ALS2: variants seen among roughly 807,000 people sequenced by gnomAD.
ALS2 encodes alsin.
In ALS2, 117 loss-of-function variants were observed where a neutral mutation model predicts 203.4. The ratio of observed to expected loss-of-function variants is 0.58; its 90% CI spans 0.50 to 0.67. The LOEUF is 0.67. ALS2 is among the 30% of genes least tolerant of loss of function. The pLI, the probability that ALS2 is intolerant of heterozygous loss-of-function variation, is 0.00. For missense variants in ALS2, 1,715 were observed against 1,989.4 expected, an observed-to-expected ratio of 0.86 and a Z score of 2.62; for synonymous variants, 718 against 725.9, an observed-to-expected ratio of 0.99 and a Z score of 0.17.
intron 1 of ALS2, among the ~76,000 whole-genome samples, chr2:201,778,967 C>A (rs934916649): frequency 5.3e-5 from 8 of 152,142 alleles, no homozygotes; most frequent in African/African-American, 1.7e-4. Context: ...TAGATTTTTA[C>A]AAGTCAGTCA....
intron 1 of ALS2, among the ~76,000 whole-genome samples, chr2:201,775,061 T>G (rs1489431832): frequency 6.6e-6 from 1 of 152,178 alleles, no homozygotes; most frequent in Non-Finnish European, 1.5e-5. Context: ...TTTAAAATAG[T>G]AAAACAACAG....
chr2:201,727,425 G>A (rs760160366), intron 16 of ALS2, 147 bp from the exon 17 acceptor site: 30 of 799,428 alleles, frequency 3.8e-5, no homozygotes, highest in Non-Finnish European at 4.7e-5. Flanking sequence ...GCGCCACCAC[G>A]GTGGAAAGAA....
chr2:201,701,946 G>A (rs1226367977), intron 33 of ALS2, 57 bp from the exon 34 acceptor site: 5 of 1,519,918 alleles, frequency 3.3e-6, no homozygotes, highest in Admixed American at 1.7e-5. Flanking sequence ...TACATAAAGA[G>A]AGCAATGCAT....
At chr2:201,742,124 G>T (rs756262777) in intron 10 of ALS2, among the ~76,000 whole-genome samples, 5 of 152,148 alleles carry the variant, frequency 3.3e-5, no homozygotes, top group Non-Finnish European at 5.9e-5. Flanking sequence ...TGATTTTAAA[G>T]ATGAGCCAAA....
intron 19 of ALS2, among the ~76,000 whole-genome samples, chr2:201,725,752 G>A (rs182849420): frequency 9.3e-4 from 141 of 152,230 alleles, no homozygotes; most frequent in Non-Finnish European, 1.8e-3. Context: ...ACCACCATGC[G>A]GTAAGCCCAG....
chr2:201,759,492 C>CACATTGTT, intron 4 of ALS2: 1 of 962,918 alleles, frequency 1.0e-6, no homozygotes, highest in Non-Finnish European at 1.2e-6. Flanking sequence ...TAGAAACACA[C>CACATTGTT]ACATTGTTAC....
intron 12 of ALS2, among the ~76,000 whole-genome samples, chr2:201,734,057 C>A (rs1691731972): frequency 6.6e-6 from 1 of 152,034 alleles, no homozygotes; most frequent in African/African-American, 2.4e-5. Flanking sequence ...AAACTGAAGC[C>A]AAAAATTAGC....
Position 201,700,318 on chromosome 2 carries a change from G to A in ALS2, c.*1533C>T, listed in dbSNP as rs763133240. On this transcript the variant is annotated 3_prime_UTR_variant, in exon 34 of 34. Transcript: ENST00000264276. ...AAATAATAGATTTCTTTGGAGACCC[G>A]TGTCCTTGGGTTATTGGGGTCAGAA... Among the ~76,000 whole-genome samples the A allele has an allele frequency of 6.6e-6, 1 of 152,114 alleles. No individual in the cohort carries two copies. Among genetic ancestry groups the A allele is most frequent in the Admixed American group, 6.5e-5 (1 of 15,276 alleles).
intron 8 of ALS2, among the ~76,000 whole-genome samples, chr2:201,747,725 G>A (rs6759263): frequency 0.8 from 121,318 of 152,070 alleles, 48,796 homozygotes; most frequent in Admixed American, 0.87. Flanking sequence ...CTGGGATTAC[G>A]GGCGTGAGCT....
chr2:201,754,365 A>G (rs1693256395), intron 6 of ALS2, 138 bp downstream of exon 6: 1 of 1,112,608 alleles, frequency 9.0e-7, no homozygotes, highest in African/African-American at 1.5e-5. Context: ...GCTTTTTATC[A>G]GAGTTAATGG....
chr2:201,773,481 G>A (rs1183330260), intron 1 of ALS2, among the ~76,000 whole-genome samples: 1 of 152,202 alleles, frequency 6.6e-6, no homozygotes, highest in African/African-American at 2.4e-5. Flanking sequence ...ATAGCTGTGT[G>A]TTGGTGGCTC....
chr2:201,739,018 C>A (rs977798098), intron 11 of ALS2, among the ~76,000 whole-genome samples: 3 of 151,832 alleles, frequency 2.0e-5, no homozygotes, highest in Non-Finnish European at 4.4e-5. Context: ...GCGGGAGGAT[C>A]GCTTGAGCCT....
At chr2:201,705,017 C>T (rs977069192) in intron 31 of ALS2, 122 bp downstream of exon 31, 1 of 956,678 alleles carries the variant, frequency 1.0e-6, no homozygotes, top group East Asian at 2.6e-5. Context: ...TTGAGTTTGA[C>T]ACCATCAGCA....
intron 12 of ALS2, among the ~76,000 whole-genome samples, chr2:201,738,299 C>T (rs780075817): frequency 1.3e-5 from 2 of 152,114 alleles, no homozygotes; most frequent in Non-Finnish European, 2.9e-5. Flanking sequence ...TGTATCTGCG[C>T]AAACACTTTT....
rs766580828 is a variant in ALS2 at position 201,707,864 on chromosome 2, T to C, written c.4403+5A>G. ...TCTTCACTGTCCCCACCCAACTCCA[T>C]TTACCCTGGCTCTGGTGATTCAGAT... is the stretch of plus-strand genomic sequence containing the variant. On this transcript the variant is annotated splice_donor_5th_base_variant and intron_variant, in intron 28 of 33. Coordinates refer to ENST00000264276, the MANE Select transcript of ALS2 (RefSeq NM_020919.4). 6.2e-7 allele frequency: 1 copy of C among 1,612,636 alleles called. No individual in the cohort carries two copies. Among genetic ancestry groups the C allele is most frequent in the Admixed American group, 1.7e-5 (1 of 59,938 alleles).
Position 201,705,060 on chromosome 2 carries a change from G to T in ALS2, c.4688+79C>A. 3 of 1,388,156 alleles carry T rather than the reference G, an allele frequency of 2.2e-6. No homozygotes were observed. The South Asian group carries it at 3.6e-5, about 17-fold the overall frequency. 86.0% of individuals were successfully genotyped at this position (1,388,156 alleles called of 1,614,324 possible). ...TGGGGATGCTTAAGGCTTAGGTAAAGATAAGATCATATTAATAATATCTTA... is the reference window on the plus strand; with the variant it reads ...TGGGGATGCTTAAGGCTTAGGTAAATATAAGATCATATTAATAATATCTTA... On this transcript the variant is annotated intron_variant, in intron 31 of 33. Coordinates refer to ENST00000264276, the MANE Select transcript of ALS2 (RefSeq NM_020919.4).
Position 201,708,083 on chromosome 2 carries a change from C to G in ALS2, c.4281-92G>C, listed in dbSNP as rs2058662. 0.17 allele frequency: 208,950 copies of G among 1,215,344 alleles called. 21,450 individuals carry two copies. The highest frequency in any genetic ancestry group is 0.4 in the East Asian group (15,643 of 39,328). 75.3% of individuals were successfully genotyped at this position (1,215,344 alleles called of 1,614,324 possible). ...CATTTCCATTAGTTATGAGAGCAAG[C>G]TTTATTATCAACTAAGTATTTTAGT... On this transcript the variant is annotated intron_variant, in intron 27 of 33. Coordinates refer to ENST00000264276, the MANE Select transcript of ALS2 (RefSeq NM_020919.4).
chr2:201,729,400 G>A (rs1691405468), intron 13 of ALS2, among the ~76,000 whole-genome samples: 1 of 152,044 alleles, frequency 6.6e-6, no homozygotes, highest in South Asian at 2.1e-4. Flanking sequence ...GCATAACTCA[G>A]GTGACAGAGA....
chr2:201,752,918 AG>A (rs1381676860), intron 7 of ALS2, among the ~76,000 whole-genome samples: 1 of 152,236 alleles, frequency 6.6e-6, no homozygotes, highest in African/African-American at 2.4e-5. Flanking sequence ...TTTAAATCCA[AG>A]CTCTACTGTT....
Sources: allele counts gnomAD v4.1 joint callset (sites outside exome capture counted in the v4.1 genomes callset), GRCh38; gene constraint gnomAD v4.1.1; transcripts MANE v1.5; gene names NCBI Gene and HGNC (gene_info 2026-07-23, HGNC 2026-07-21).